DOCK3: variants seen among roughly 807,000 people sequenced by gnomAD.
DOCK3 encodes the protein dedicator of cytokinesis 3, also known as dedicator of cytokinesis protein 3.
A neutral mutation model predicts 265.6 loss-of-function variants in DOCK3; 60 were observed. The ratio of observed to expected loss-of-function variants is 0.23; its 90% CI spans 0.18 to 0.28. The LOEUF is 0.28. Among genes scored for constraint, DOCK3 ranks in the 10% least tolerant of loss-of-function variants. DOCK3 has a pLI of 1.00. For missense variants in DOCK3, 1,981 were observed against 2,594.3 expected, an observed-to-expected ratio of 0.76 and a Z score of 5.14; for synonymous variants, 881 against 938.0, an observed-to-expected ratio of 0.94 and a Z score of 1.11.
intron 1 of DOCK3, among the ~76,000 whole-genome samples, chr3:50,734,003 TA>T (rs2038400860): frequency 6.6e-6 from 1 of 152,242 alleles, no homozygotes; most frequent in African/African-American, 2.4e-5. Flanking sequence ...ATTGTGACTG[TA>T]ACTAATAACA....
At chr3:51,233,347 TATCTATCTATC>T (rs2078212731) in intron 19 of DOCK3, among the ~76,000 whole-genome samples, 3 of 38,918 alleles carry the variant, frequency 7.7e-5, no homozygotes, top group Non-Finnish European at 2.3e-4. Flanking sequence ...TCTATCTATC[TATCTATCTATC>T]TATTTATTTA....
At chr3:51,054,427 T>G (rs543547267) in intron 5 of DOCK3, among the ~76,000 whole-genome samples, 1 of 152,322 alleles carries the variant, frequency 6.6e-6, no homozygotes, top group Non-Finnish European at 1.5e-5. Flanking sequence ...TTCTGAAATT[T>G]TACAATGATT....
At chr3:50,903,848 T>C (rs1158863299) in intron 4 of DOCK3, among the ~76,000 whole-genome samples, 1 of 152,138 alleles carries the variant, frequency 6.6e-6, no homozygotes, top group East Asian at 1.9e-4. Context: ...ATGTGCCGTG[T>C]TGGTGTGCTG....
At chr3:51,372,632 A>G (rs2087777195) in intron 49 of DOCK3, among the ~76,000 whole-genome samples, 1 of 152,180 alleles carries the variant, frequency 6.6e-6, no homozygotes, top group Non-Finnish European at 1.5e-5. Context: ...AAGACAGTAT[A>G]CCAGGTTCCA....
chr3:51,125,961 G>A (rs982786939), intron 9 of DOCK3, among the ~76,000 whole-genome samples: 1 of 152,228 alleles, frequency 6.6e-6, no homozygotes, highest in Middle Eastern at 3.4e-3. Context: ...GCACATTTTA[G>A]CACTTGTTTA....
intron 5 of DOCK3, among the ~76,000 whole-genome samples, chr3:51,047,355 T>G (rs1439331762): frequency 6.6e-6 from 1 of 151,716 alleles, no homozygotes; most frequent in African/African-American, 2.4e-5. Flanking sequence ...TGTATACATA[T>G]GTAACAAACC....
chr3:50,950,243 G>A (rs896015425), intron 5 of DOCK3, among the ~76,000 whole-genome samples: 7 of 151,840 alleles, frequency 4.6e-5, no homozygotes, highest in Admixed American at 3.9e-4. Context: ...AATACCTTCA[G>A]GTTTTGTTGT....
intron 6 of DOCK3, among the ~76,000 whole-genome samples, chr3:51,064,983 C>T (rs923928125): frequency 1.3e-5 from 2 of 152,142 alleles, no homozygotes; most frequent in African/African-American, 4.8e-5. Flanking sequence ...TATAGCCATA[C>T]AATGAATCTG....
intron 12 of DOCK3, among the ~76,000 whole-genome samples, chr3:51,201,416 A>G (rs1423620897): frequency 6.6e-6 from 1 of 152,164 alleles, no homozygotes; most frequent in Non-Finnish European, 1.5e-5. Flanking sequence ...CAAAGATCAA[A>G]AGAGACAAGG....
At chr3:50,917,971 C>A (rs1294143386) in intron 4 of DOCK3, among the ~76,000 whole-genome samples, 1 of 152,052 alleles carries the variant, frequency 6.6e-6, no homozygotes, top group Non-Finnish European at 1.5e-5. Context: ...CAGGTGTTCT[C>A]ATTGTTCAGT....
At chr3:51,251,370 T>C (rs1237639597) in intron 22 of DOCK3, among the ~76,000 whole-genome samples, 1 of 152,238 alleles carries the variant, frequency 6.6e-6, no homozygotes, top group Admixed American at 6.5e-5. Flanking sequence ...TTATAATCCT[T>C]TGGGTATATA....
At chr3:50,991,630 C>G (rs1362548671) in intron 5 of DOCK3, among the ~76,000 whole-genome samples, 1 of 152,032 alleles carries the variant, frequency 6.6e-6, no homozygotes, top group African/African-American at 2.4e-5. Context: ...GAGTTTTACA[C>G]AATAATAGTG....
chr3:51,217,209 G>C (rs1031340646), intron 14 of DOCK3, among the ~76,000 whole-genome samples: 20 of 151,558 alleles, frequency 1.3e-4, no homozygotes, highest in African/African-American at 4.4e-4. Flanking sequence ...CATACTGGCA[G>C]AGCTGTAAGG....
At position 51,280,194 on chromosome 3, in the gene DOCK3, A is replaced by T. The variant is rs749170666; in HGVS notation, c.2912A>T (p.Asp971Val). ...CTCCTGGACAACTTCCAGAGCAAAGATGAACTCAAGGTAGGCAGTAGAACA... is the reference window on the plus strand; with the variant it reads ...CTCCTGGACAACTTCCAGAGCAAAGTTGAACTCAAGGTAGGCAGTAGAACA... The part of the protein sequence containing the change: ...QHLLDNFQSK[D>V]ELKEFLLKIF... The change falls in exon 27 of 53, where the codon GAT (aspartate) becomes GTT (valine). Residue 971 changes from aspartate (D) to valine (V), a missense_variant. Asp to Val is a radical substitution (Grantham distance 152, BLOSUM62 -3). Transcript: ENST00000266037. The T allele has an allele frequency of 6.2e-7, 1 of 1,613,610 alleles. No individual in the cohort carries two copies. Among genetic ancestry groups the T allele is most frequent in the Non-Finnish European group, 8.5e-7 (1 of 1,179,738 alleles).
At chr3:51,262,016 C>T (rs762030683) in intron 23 of DOCK3, among the ~76,000 whole-genome samples, 3 of 152,174 alleles carry the variant, frequency 2.0e-5, no homozygotes, top group South Asian at 2.1e-4. Context: ...TCCTGCCTGC[C>T]GGCTCTGAAG....
At chr3:51,272,686 C>T (rs539779141) in intron 24 of DOCK3, among the ~76,000 whole-genome samples, 3 of 152,180 alleles carry the variant, frequency 2.0e-5, no homozygotes, top group African/African-American at 4.8e-5. Flanking sequence ...GCTCTGCCAG[C>T]GTATGATATT....
intron 12 of DOCK3, among the ~76,000 whole-genome samples, chr3:51,188,001 G>A (rs968841114): frequency 3.3e-5 from 5 of 152,124 alleles, no homozygotes; most frequent in African/African-American, 7.2e-5. Context: ...GGTAGATAAC[G>A]TGGGCAGAGT....
At chr3:51,194,667 TTTC>T (rs1420268689) in intron 12 of DOCK3, among the ~76,000 whole-genome samples, 1 of 152,144 alleles carries the variant, frequency 6.6e-6, no homozygotes, top group Non-Finnish European at 1.5e-5. Flanking sequence ...ACCTTCTTTG[TTTC>T]TTTTTACTGT....
rs1476952151 is a variant in DOCK3 at position 51,338,443 on chromosome 3, T to C, written c.3672+24T>C. 3 of 1,551,422 alleles carry C rather than the reference T, an allele frequency of 1.9e-6. No individual in the cohort carries two copies. The African/African-American group carries it at 4.1e-5, about 21-fold the overall frequency. ...TGGTGAGAGGACATGGGCCCTGACT[T>C]CTCTCTGCCTACTGAAATGGTTTCT... On this transcript the variant is annotated intron_variant, in intron 36 of 52. Transcript: ENST00000266037.
Sources: allele counts gnomAD v4.1 joint callset (sites outside exome capture counted in the v4.1 genomes callset), GRCh38; gene constraint gnomAD v4.1.1; transcripts MANE v1.5; gene names NCBI Gene and HGNC (gene_info 2026-07-23, HGNC 2026-07-21).